CYP2R1: variants seen among roughly 807,000 people sequenced by gnomAD.
CYP2R1 encodes cytochrome P450 family 2 subfamily R member 1.
Under a neutral mutation model 45.7 loss-of-function variants are expected in CYP2R1, and 40 were observed. The observed-to-expected ratio is 0.87, with a 90% CI of 0.68 to 1.14. CYP2R1 has a LOEUF of 1.14. Ranked by LOEUF, CYP2R1 falls within the 50% of genes most tolerant of loss-of-function variation. The probability of loss-of-function intolerance (pLI) is 0.00; values close to 1 mark genes in which losing one functional copy is unlikely to be tolerated. For synonymous variants in CYP2R1, 234 were observed against 219.3 expected (o/e 1.07, Z -0.59); for missense variants, 605 against 602.6 (o/e 1.00, Z -0.04).
At chr11:14,891,233 C>G in intron 1 of CYP2R1, 1 of 984,886 alleles carries the variant, frequency 1.0e-6, no homozygotes, top group Non-Finnish European at 1.2e-6. Flanking sequence ...TGAGGAGGAG[C>G]GAAGTACCGA....
chr11:14,892,220 G>C lies in CYP2R1; in HGVS notation c.-15C>G. 2 of 1,606,870 alleles carry C rather than the reference G, an allele frequency of 1.2e-6. No homozygotes were observed. Among genetic ancestry groups the C allele is most frequent in the Non-Finnish European group, 8.5e-7 (1 of 1,178,686 alleles). ...AGCTTCCACATCGGCCCGAGCTGGA[G>C]GTGCGAACTCCACAGCAGCCCTGAG... On this transcript the variant is annotated 5_prime_UTR_variant, in exon 1 of 5. Transcript: ENST00000334636.
chr11:14,880,956 C>CT (rs1474297167), intron 2 of CYP2R1, among the ~76,000 whole-genome samples, 188 bp from the exon 3 acceptor site: 1 of 152,010 alleles, frequency 6.6e-6, no homozygotes, highest in Non-Finnish European at 1.5e-5. Flanking sequence ...AGTTTTTCTA[C>CT]TCCTTATCTG....
intron 2 of CYP2R1, among the ~76,000 whole-genome samples, chr11:14,881,946 T>C (rs1848403371): frequency 6.6e-6 from 1 of 152,116 alleles, no homozygotes; most frequent in Non-Finnish European, 1.5e-5. Context: ...AAATGTCACA[T>C]TCTCTTGTGT....
Position 14,880,646 on chromosome 11 carries a change from AT to A in CYP2R1, c.489del (p.Lys163AsnfsTer20). 1.9e-6 allele frequency: 3 copies of A among 1,598,454 alleles called. No homozygotes were observed. The highest frequency in any genetic ancestry group is 2.6e-6 in the Non-Finnish European group (3 of 1,174,118). On this transcript the variant is annotated frameshift_variant, in exon 3 of 5. Transcript: ENST00000334636. LOFTEE classifies it high-confidence loss of function. ...TATGTTTCAATAGCATCATTGAAAA[AT>A]TTGGTTTCTTCCAAGATTTTAGATT... ...SFESKILEETKFFNDAIETYK... is the reference protein window; with the variant it reads ...SFESKILEETXFFNDAIETYK...
At chr11:14,883,811 C>T (rs1163080634) in intron 2 of CYP2R1, among the ~76,000 whole-genome samples, 1 of 152,102 alleles carries the variant, frequency 6.6e-6, no homozygotes, top group Non-Finnish European at 1.5e-5. Context: ...TATCCAGAGT[C>T]TACAATGAAC....
rs1351805221 is a variant in CYP2R1, at chr11:14,891,790, T to C, written c.225+191A>G. ...TCACCGGCAGGGGCGGGGCTCCCCCTGCAAGGGGGCACGGCGTCGAGGACT... is the reference window on the plus strand; with the variant it reads ...TCACCGGCAGGGGCGGGGCTCCCCCCGCAAGGGGGCACGGCGTCGAGGACT... On this transcript the variant is annotated intron_variant, in intron 1 of 4. Coordinates refer to ENST00000334636, the MANE Select transcript of CYP2R1 (RefSeq NM_024514.5). The C allele has an allele frequency of 5.0e-6, 7 of 1,406,364 alleles. No individual in the cohort carries two copies. The African/African-American group carries it at 8.8e-5, about 18-fold the overall frequency. The allele number at this position is 1,406,364 out of a possible 1,614,324, so 87.1% of individuals were successfully genotyped here.
Position 14,878,044 on chromosome 11 carries a change from C to A in CYP2R1, c.*78G>T, listed in dbSNP as rs1469322647. The A allele has an allele frequency of 1.4e-6, 2 of 1,473,250 alleles. No individual in the cohort carries two copies. The allele number at this position is 1,473,250 out of a possible 1,614,324, so 91.3% of individuals were successfully genotyped here. ...TGATGCTGTGACTTTTATTCTAATA[C>A]ACACATTGATTTGATTAAACCAAGT... On this transcript the variant is annotated 3_prime_UTR_variant, in exon 5 of 5. Coordinates refer to ENST00000334636, the MANE Select transcript of CYP2R1 (RefSeq NM_024514.5).
intron 1 of CYP2R1, chr11:14,891,654 T>G: frequency 3.5e-6 from 4 of 1,157,254 alleles, no homozygotes; most frequent in Non-Finnish European, 4.3e-6. Flanking sequence ...ACCCTGGACC[T>G]GAAGTGGCGG....
At chr11:14,886,043 T>C in intron 1 of CYP2R1, 126 bp from the exon 2 acceptor site, 1 of 890,868 alleles carries the variant, frequency 1.1e-6, no homozygotes, top group Admixed American at 2.0e-5. Flanking sequence ...TATAGGCAGT[T>C]ATTACTCAAC....
chr11:14,879,362 G>A lies in CYP2R1; in HGVS notation c.1082C>T (p.Thr361Ile). Reference protein sequence around the residue: ...SWDDKCKMPYTEAVLHEVLRF... With the variant: ...SWDDKCKMPYIEAVLHEVLRF... ...TAAAACTTCATGCAAAACTGCCTCAGTATAAGGCATTTTGCATTTGTCGTC... is the reference window on the plus strand; with the variant it reads ...TAAAACTTCATGCAAAACTGCCTCAATATAAGGCATTTTGCATTTGTCGTC... The change falls in exon 4 of 5, where the codon ACT (threonine) becomes ATT (isoleucine). Residue 361 changes from threonine (T) to isoleucine (I), a missense_variant. Transcript: ENST00000334636. 6.2e-7 allele frequency: 1 copy of A among 1,611,636 alleles called. No individual in the cohort carries two copies. The highest frequency in any genetic ancestry group is 8.5e-7 in the Non-Finnish European group (1 of 1,179,384).
At position 14,877,530 on chromosome 11, in the gene CYP2R1, TAAG is replaced by T. The variant is rs1259633452; in HGVS notation, c.*589_*591del. 3.3e-5 allele frequency: 5 copies of T among 152,190 alleles called. No homozygotes were observed. Among genetic ancestry groups the T allele is most frequent in the African/African-American group, 1.2e-4 (5 of 41,416 alleles). 9.4% of individuals were successfully genotyped at this position (152,190 alleles called of 1,614,324 possible). A position where few individuals can be genotyped will look rare whatever the true frequency, so the allele number is the denominator to read the frequency against. ...TCAGGGTCACACAGACCCTCATTTA[TAAG>T]AAGAATGACACAGTTCTTATGAAGA... is the stretch of plus-strand genomic sequence containing the variant. On this transcript the variant is annotated 3_prime_UTR_variant, in exon 5 of 5. Coordinates refer to ENST00000334636, the MANE Select transcript of CYP2R1 (RefSeq NM_024514.5).
At position 14,878,151 on chromosome 11, in the gene CYP2R1, G is replaced by T. The variant is rs782203092; in HGVS notation, c.1477C>A (p.Pro493Thr). Reference sequence around the variant, plus strand: ...CGTCTTTCAGCACAGATGAGGTAGGGTTGGGGCTGCAATGTCATGCCTAAC... The same window carrying T: ...CGTCTTTCAGCACAGATGAGGTAGGTTTGGGGCTGCAATGTCATGCCTAAC... ...PRLGMTLQPQ[P>T]YLICAERR The change falls in exon 5 of 5, where the codon CCC becomes ACC. Residue 493 changes from proline to threonine, a missense_variant. Coordinates refer to ENST00000334636, the MANE Select transcript of CYP2R1 (RefSeq NM_024514.5). 18 of 1,613,176 alleles carry T rather than the reference G, an allele frequency of 1.1e-5. No individual in the cohort carries two copies. Among genetic ancestry groups the T allele is most frequent in the Non-Finnish European group, 1.5e-5 (18 of 1,179,450 alleles).
chr11:14,884,774 A>G (rs1352226600), intron 2 of CYP2R1, among the ~76,000 whole-genome samples: 3 of 152,150 alleles, frequency 2.0e-5, no homozygotes, highest in Non-Finnish European at 4.4e-5. Flanking sequence ...ATGCTTTATG[A>G]TAAAAACAGT....
chr11:14,883,530 A>C (rs1366760422), intron 2 of CYP2R1, among the ~76,000 whole-genome samples: 1 of 151,418 alleles, frequency 6.6e-6, no homozygotes, highest in Admixed American at 6.6e-5. Context: ...TACAAAAATT[A>C]ATTCAAGATG....
At position 14,880,675 on chromosome 11, in the gene CYP2R1, A is replaced by G; in HGVS notation, c.461T>C (p.Phe154Ser). Residue 154 changes from phenylalanine (F) to serine (S), a missense_variant, in exon 3 of 5, where the codon TTT becomes TCT. Transcript: ENST00000334636. ...FRYFGYGQKSFESKILEETKF... is the reference protein window; with the variant it reads ...FRYFGYGQKSSESKILEETKF... The stretch of plus-strand genomic sequence containing the variant: ...GGTTTCTTCCAAGATTTTAGATTCA[A>G]AAGACTTTTGGCCATATCCAAAATA... The G allele has an allele frequency of 6.3e-7, 1 of 1,598,228 alleles. No individual in the cohort carries two copies. The highest frequency in any genetic ancestry group is 1.8e-5 in the Admixed American group (1 of 56,388).
intron 4 of CYP2R1, 118 bp downstream of exon 4, chr11:14,878,996 G>T: frequency 2.4e-6 from 2 of 831,072 alleles, no homozygotes; most frequent in South Asian, 1.5e-5. Flanking sequence ...AATCAGTTCT[G>T]TGTTTTTAGA....
chr11:14,892,352 T>G (rs1373171225), upstream of CYP2R1: 2 of 727,098 alleles, frequency 2.8e-6, no homozygotes, highest in African/African-American at 3.5e-5. Context: ...TCAGGCCCCT[T>G]CGGGACAACT....
chr11:14,883,421 T>C (rs1311100751), intron 2 of CYP2R1, among the ~76,000 whole-genome samples: 1 of 151,938 alleles, frequency 6.6e-6, no homozygotes, highest in Non-Finnish European at 1.5e-5. Context: ...CTGAGAAAAA[T>C]AAGCAATGGG....
At chr11:14,891,338 T>C in intron 1 of CYP2R1, 1 of 985,348 alleles carries the variant, frequency 1.0e-6, no homozygotes, top group Non-Finnish European at 1.2e-6. Flanking sequence ...TAAGGTGCCG[T>C]TCCCAGCCAG....
Sources: allele counts gnomAD v4.1 joint callset (sites outside exome capture counted in the v4.1 genomes callset), GRCh38; gene constraint gnomAD v4.1.1; transcripts MANE v1.5; gene names NCBI Gene and HGNC (gene_info 2026-07-23, HGNC 2026-07-21).